Variants in SASH1 observed in about 807,000 individuals in gnomAD.
SASH1 encodes SAM and SH3 domain-containing protein 1.
SASH1 carries 44 observed loss-of-function variants against 125.2 expected under a neutral mutation model. The ratio of observed to expected loss-of-function variants is 0.35; its 90% CI spans 0.28 to 0.45. The LOEUF (loss-of-function observed/expected upper bound fraction) is 0.45. Ranked by LOEUF, SASH1 falls within the 20% of genes least tolerant of loss-of-function variation. The pLI is 1.00. For missense variants in SASH1, 1,426 were observed against 1,614.5 expected (o/e 0.88, Z 2.00); for synonymous variants, 639 against 649.1 (o/e 0.98, Z 0.24).
rs1782744487 is a variant in SASH1, at chr6:148,549,082, A to T, written c.*524A>T. On this transcript the variant is annotated 3_prime_UTR_variant, in exon 20 of 20. Transcript: ENST00000367467. ...TGCACCAGGAAAAAAAAAAAAAAAA[A>T]GTCCTGTTCTTCTTTAGATAAACAA... is the stretch of plus-strand genomic sequence containing the variant. 6.5e-6 allele frequency: 1 copy of T among 153,190 alleles called. No homozygotes were observed. The highest frequency in any genetic ancestry group is 2.1e-4 in the South Asian group (1 of 4,826). 9.5% of individuals were successfully genotyped at this position (153,190 alleles called of 1,614,324 possible).
In SASH1 at chr6:148,534,877, G is replaced by A; in HGVS notation, c.2071G>A (p.Val691Met). ...PEHRAVLLTA[V>M]ELLQEYDSNS... ...ACACAGAGCTGTTCTCTTGACAGCA[G>A]TGGAGCTGTTACAAGAGTATGACAG... The change falls in exon 16 of 20, where the codon GTG becomes ATG. Residue 691 changes from valine to methionine, a missense_variant. Val to Met is a conservative substitution (Grantham distance 21). Transcript: ENST00000367467. The A allele has an allele frequency of 6.2e-7, 1 of 1,614,256 alleles. No individual in the cohort carries two copies. The highest frequency in any genetic ancestry group is 8.5e-7 in the Non-Finnish European group (1 of 1,180,044).
chr6:148,522,270 T>C (rs1780863904), intron 10 of SASH1, among the ~76,000 whole-genome samples: 2 of 152,242 alleles, frequency 1.3e-5, no homozygotes, highest in African/African-American at 4.8e-5. Flanking sequence ...AGTACAGTTG[T>C]ACAATCAAAC....
chr6:148,284,833 A>G (rs1055722882), intron 1 of SASH1, among the ~76,000 whole-genome samples: 1 of 152,160 alleles, frequency 6.6e-6, no homozygotes, highest in Non-Finnish European at 1.5e-5. Flanking sequence ...CTTTATCCTC[A>G]TTTCAGATAA....
Position 148,548,608 on chromosome 6 carries a change from A to T in SASH1, c.*50A>T. The T allele has an allele frequency of 6.6e-7, 1 of 1,523,342 alleles. No individual in the cohort carries two copies. Among genetic ancestry groups the T allele is most frequent in the South Asian group, 1.3e-5 (1 of 76,098 alleles). The allele number at this position is 1,523,342 out of a possible 1,614,324, so 94.4% of individuals were successfully genotyped here. A position where few individuals can be genotyped will look rare whatever the true frequency, so the allele number is the denominator to read the frequency against. On this transcript the variant is annotated 3_prime_UTR_variant, in exon 20 of 20. Coordinates refer to ENST00000367467, the MANE Select transcript of SASH1 (RefSeq NM_015278.5). ...GACAAGAGCCACCCTTTCACTGTGC[A>T]TATGATGCTGATGCAATTCCTCCAT... is the stretch of plus-strand genomic sequence containing the variant.
the SASH1 span, among the ~76,000 whole-genome samples, chr6:148,216,691 C>G: frequency 6.6e-6 from 1 of 152,056 alleles, no homozygotes; most frequent in African/African-American, 2.4e-5. Context: ...AAGCCAGCCT[C>G]TCTCAGCAGC....
upstream of SASH1, among the ~76,000 whole-genome samples, chr6:148,339,424 A>G (rs1302048321): frequency 6.6e-6 from 1 of 152,032 alleles, no homozygotes; most frequent in African/African-American, 2.4e-5. Flanking sequence ...ATTAAGAAGC[A>G]CCAGGAAAAA....
chr6:148,334,029 A>G (rs1781072766), intron 1 of SASH1, among the ~76,000 whole-genome samples: 2 of 150,966 alleles, frequency 1.3e-5, no homozygotes, highest in Non-Finnish European at 3.0e-5. Context: ...TCACCGTGTT[A>G]GCCAGGATGG....
rs1051991434 is a variant in SASH1, at chr6:148,272,428, G to A, written n.74+51G>A. On this transcript the variant is annotated intron_variant and non_coding_transcript_variant, in intron 1 of 3. Coordinates refer to the SASH1 transcript ENST00000367469. ...TTTAAGACTGTTTTTGGTGCCTTCT[G>A]ACATTTAGACTGATATATTCAGGAA... 1.2e-4 allele frequency: 56 copies of A among 466,822 alleles called. 1 individual carries two copies. The Admixed American group carries it at 1.2e-3, about 10-fold the overall frequency. 28.9% of individuals were successfully genotyped at this position (466,822 alleles called of 1,614,324 possible).
Position 148,544,949 on chromosome 6 carries a change from GTGTCCA to G in SASH1, c.3348+132_3348+137del. On this transcript the variant is annotated intron_variant, in intron 18 of 19. Coordinates refer to ENST00000367467, the MANE Select transcript of SASH1 (RefSeq NM_015278.5). This position sits in a 1 kb window ranked among gnomAD's most constrained non-coding sequence, Gnocchi z 6.4. ...GTGGACAGGAGACACCTGAATCCACGTGTCCACACCTTACTTGACATGCATGTGTTC... is the reference window on the plus strand; with the variant it reads ...GTGGACAGGAGACACCTGAATCCACGCACCTTACTTGACATGCATGTGTTC... The G allele has an allele frequency of 2.6e-6, 2 of 761,876 alleles. No individual in the cohort carries two copies. Among genetic ancestry groups the G allele is most frequent in the Non-Finnish European group, 4.1e-6 (2 of 483,112 alleles). 47.2% of individuals were successfully genotyped at this position (761,876 alleles called of 1,614,324 possible).
intron 2 of SASH1, among the ~76,000 whole-genome samples, chr6:148,431,037 G>C (rs1477965559): frequency 2.0e-5 from 3 of 152,208 alleles, no homozygotes; most frequent in Non-Finnish European, 4.4e-5. Context: ...TCTCCCAGCT[G>C]ACAGTACTTT....
chr6:148,449,454 C>G, intron 4 of SASH1, among the ~76,000 whole-genome samples: 1 of 150,208 alleles, frequency 6.7e-6, no homozygotes. Context: ...ATGGTGCAAT[C>G]TCGGCTCACT....
chr6:148,548,247 C>T lies in SASH1; in HGVS notation c.3481-48C>T, dbSNP rs201876979. The T allele has an allele frequency of 5.8e-6, 9 of 1,542,516 alleles. No individual in the cohort carries two copies. In the East Asian group the frequency reaches 6.8e-5, roughly 12 times the overall value. On this transcript the variant is annotated intron_variant, in intron 19 of 19. Coordinates refer to ENST00000367467, the MANE Select transcript of SASH1 (RefSeq NM_015278.5). ...TTTTAGACATACGCGAAGTAGTCCT[C>T]GATGACACATGGAGCGTTTCTATCA...
intron 2 of SASH1, among the ~76,000 whole-genome samples, chr6:148,398,878 G>T (rs1192884501): frequency 1.3e-5 from 2 of 152,120 alleles, no homozygotes; most frequent in Non-Finnish European, 2.9e-5. Flanking sequence ...TCTGTGCTCT[G>T]GCCTCTCTCA....
chr6:148,487,112 CATAT>C (rs370037960), intron 7 of SASH1, among the ~76,000 whole-genome samples: 1 of 120,658 alleles, frequency 8.3e-6, no homozygotes, highest in Non-Finnish European at 1.8e-5. Context: ...CACACACACA[CATAT>C]ATATATATAT....
In SASH1 at chr6:148,548,607, C is replaced by G. The variant is rs1464552565; in HGVS notation, c.*49C>G. The G allele has an allele frequency of 6.6e-7, 1 of 1,522,794 alleles. No homozygotes were observed. The highest frequency in any genetic ancestry group is 8.8e-7 in the Non-Finnish European group (1 of 1,136,342). The allele number at this position is 1,522,794 out of a possible 1,614,324, so 94.3% of individuals were successfully genotyped here. Reference sequence around the variant, plus strand: ...GGACAAGAGCCACCCTTTCACTGTGCATATGATGCTGATGCAATTCCTCCA... The same window carrying G: ...GGACAAGAGCCACCCTTTCACTGTGGATATGATGCTGATGCAATTCCTCCA... On this transcript the variant is annotated 3_prime_UTR_variant, in exon 20 of 20. Coordinates refer to ENST00000367467, the MANE Select transcript of SASH1 (RefSeq NM_015278.5).
Position 148,369,713 on chromosome 6 carries a change from G to A in SASH1, c.157-20421G>A, listed in dbSNP as rs2114741296. On this transcript the variant is annotated intron_variant, in intron 1 of 19. Transcript: ENST00000367467. ...TCATGCCTGCGATCCTGGCACTTTG[G>A]GAGGCCAAGACGGGTGGATCATTTG... Among the ~76,000 whole-genome samples the A allele has an allele frequency of 3.9e-5, 6 of 152,176 alleles. No individual in the cohort carries two copies. The South Asian group carries it at 1.2e-3, about 32-fold the overall frequency.
At chr6:148,246,927 G>A in the SASH1 span, among the ~76,000 whole-genome samples, 1 of 152,306 alleles carries the variant, frequency 6.6e-6, no homozygotes, top group East Asian at 1.9e-4. Context: ...CTTGTACTAA[G>A]TGTTTGGAAT....
Position 148,483,810 on chromosome 6 carries a change from A to C in SASH1, c.628-3804A>C, listed in dbSNP as rs142172640. 7.0e-4 allele frequency among the ~76,000 whole-genome samples: 106 copies of C among 152,208 alleles called. No homozygotes were observed. In the East Asian group the frequency reaches 0.017, roughly 25 times the overall value. On this transcript the variant is annotated intron_variant, in intron 7 of 19. Transcript: ENST00000367467. ...GGCATCTGGTATACCAGAGCACAAG[A>C]TTATGAACCAGGAACCTAGATGTAT...
chr6:148,399,873 G>A (rs1181762753), intron 2 of SASH1, among the ~76,000 whole-genome samples: 1 of 152,210 alleles, frequency 6.6e-6, no homozygotes, highest in South Asian at 2.1e-4. Flanking sequence ...ACGAGGCCCA[G>A]GCCAGGTGCC....
Sources: gnomAD v4.1 joint callset for allele counts (sites outside exome capture counted in the v4.1 genomes callset) on GRCh38, gnomAD v4.1.1 for gene constraint, Gnocchi (gnomAD v3.1) non-coding constraint, MANE v1.5 for transcripts, NCBI Gene and HGNC (gene_info 2026-07-23, HGNC 2026-07-21) for gene names.